LRFN5: variants seen among roughly 807,000 people sequenced by gnomAD.
The protein encoded by LRFN5 is leucine-rich repeat and fibronectin type-III domain-containing protein 5.
A neutral mutation model predicts 45.6 loss-of-function variants in LRFN5; 24 were observed. That is an observed-to-expected ratio of 0.53 (90% CI 0.38 to 0.74). The LOEUF (loss-of-function observed/expected upper bound fraction) is 0.74. LRFN5 is among the 30% of genes least tolerant of loss of function. The probability of loss-of-function intolerance (pLI) is 0.00; values close to 1 mark genes in which losing one functional copy is unlikely to be tolerated. For synonymous variants in LRFN5, 340 were observed against 313.8 expected (o/e 1.08, Z -0.88); for missense variants, 776 against 861.5 (o/e 0.90, Z 1.24).
At chr14:41,620,996 A>G (rs1888115240) in intron 1 of LRFN5, among the ~76,000 whole-genome samples, 1 of 152,068 alleles carries the variant, frequency 6.6e-6, no homozygotes. Context: ...TGATTTTGGA[A>G]TGTGGCCATA....
intron 2 of LRFN5, among the ~76,000 whole-genome samples, chr14:41,804,272 G>A (rs1229743349): frequency 1.3e-5 from 2 of 152,026 alleles, no homozygotes; most frequent in Non-Finnish European, 2.9e-5. Context: ...ATGATTGGTT[G>A]GGGATGCAAT....
intron 2 of LRFN5, among the ~76,000 whole-genome samples, chr14:41,786,328 CA>C (rs758673990): frequency 6.6e-6 from 1 of 151,842 alleles, no homozygotes; most frequent in African/African-American, 2.4e-5. Flanking sequence ...ATGAATTTCT[CA>C]GTTTTTGTTT....
At chr14:41,654,881 G>A (rs1880304043) in intron 1 of LRFN5, among the ~76,000 whole-genome samples, 1 of 152,010 alleles carries the variant, frequency 6.6e-6, no homozygotes, top group African/African-American at 2.4e-5. Flanking sequence ...GATACCACAT[G>A]AACAGTAGTA....
Position 41,872,453 on chromosome 14 carries a change from C to T in LRFN5, c.-20-14153C>T, listed in dbSNP as rs370566418. Among the ~76,000 whole-genome samples the T allele has an allele frequency of 5.3e-5, 8 of 152,200 alleles. No homozygotes were observed. The East Asian group carries it at 1.4e-3, about 26-fold the overall frequency. ...CTGTAACCAATTGAAATTAGTTTGG[C>T]TATAAATAACAGACTTTTCAAAATA... is the stretch of plus-strand genomic sequence containing the variant. On this transcript the variant is annotated intron_variant, in intron 2 of 5. Coordinates refer to ENST00000298119, the MANE Select transcript of LRFN5 (RefSeq NM_152447.5).
intron 2 of LRFN5, among the ~76,000 whole-genome samples, chr14:41,880,509 T>C (rs1890343409): frequency 6.6e-6 from 1 of 152,148 alleles, no homozygotes. Flanking sequence ...ATTAATTTCA[T>C]TTAATTAATT....
chr14:41,699,562 A>T (rs1358558316), intron 1 of LRFN5: 3 of 152,136 alleles, frequency 2.0e-5, no homozygotes, highest in African/African-American at 7.2e-5. Flanking sequence ...AATAGAACTT[A>T]CGAGCTTAGG....
intron 2 of LRFN5, among the ~76,000 whole-genome samples, chr14:41,779,453 T>C (rs1886407337): frequency 6.6e-6 from 1 of 151,918 alleles, no homozygotes; most frequent in African/African-American, 2.4e-5. Context: ...TAATGTCTTT[T>C]ATCTGTTTTT....
At chr14:41,881,466 CTTTATA>C (rs1426317585) in intron 2 of LRFN5, among the ~76,000 whole-genome samples, 1 of 151,538 alleles carries the variant, frequency 6.6e-6, no homozygotes, top group Non-Finnish European at 1.5e-5. Context: ...AAATCTTTAT[CTTTATA>C]TTTAGTTTTC....
intron 2 of LRFN5, among the ~76,000 whole-genome samples, chr14:41,798,697 C>A (rs535516861): frequency 2.6e-5 from 4 of 151,626 alleles, no homozygotes; most frequent in Non-Finnish European, 4.4e-5. Flanking sequence ...CTTTTTTTTC[C>A]CTGAAACATT....
chr14:41,831,041 A>C (rs1412774483), intron 2 of LRFN5, among the ~76,000 whole-genome samples: 1 of 151,530 alleles, frequency 6.6e-6, no homozygotes, highest in South Asian at 2.1e-4. Context: ...GTCTATCACC[A>C]CTCTTGTCAC....
chr14:41,709,615 T>C (rs1386840099), intron 1 of LRFN5, among the ~76,000 whole-genome samples: 1 of 152,118 alleles, frequency 6.6e-6, no homozygotes, highest in Non-Finnish European at 1.5e-5. Context: ...AATTTCTCTT[T>C]GTATGTGAAG....
At chr14:41,656,454 G>A (rs1318373685) in intron 1 of LRFN5, among the ~76,000 whole-genome samples, 1 of 151,844 alleles carries the variant, frequency 6.6e-6, no homozygotes, top group African/African-American at 2.4e-5. Context: ...ATATTTCACA[G>A]TTTGAGATTT....
chr14:41,651,201 A>C (rs2138619831), intron 1 of LRFN5, among the ~76,000 whole-genome samples: 1 of 152,218 alleles, frequency 6.6e-6, no homozygotes, highest in Non-Finnish European at 1.5e-5. Context: ...ACTCTCATGG[A>C]TTTTTAACAA....
intron 2 of LRFN5, among the ~76,000 whole-genome samples, chr14:41,835,339 T>G (rs1482742590): frequency 2.6e-5 from 4 of 152,212 alleles, no homozygotes; most frequent in Non-Finnish European, 4.4e-5. Flanking sequence ...AAACATGGAA[T>G]GCTCTCTCTT....
intron 1 of LRFN5, among the ~76,000 whole-genome samples, chr14:41,748,289 C>G (rs945159781): frequency 1.3e-5 from 2 of 151,878 alleles, no homozygotes; most frequent in African/African-American, 4.8e-5. Context: ...CATTAGCAGA[C>G]AAATGGCTAA....
intron 4 of LRFN5, among the ~76,000 whole-genome samples, chr14:41,897,648 A>T (rs1451646544): frequency 6.6e-6 from 1 of 152,114 alleles, no homozygotes; most frequent in African/African-American, 2.4e-5. Flanking sequence ...AACTGTAAAA[A>T]TTATAACTGT....
In LRFN5 at chr14:41,844,294, A is replaced by G. The variant is rs975485081; in HGVS notation, c.-20-42312A>G. On this transcript the variant is annotated intron_variant, in intron 2 of 5. Coordinates refer to ENST00000298119, the MANE Select transcript of LRFN5 (RefSeq NM_152447.5). Reference sequence around the variant, plus strand: ...CTACTAAAAATACAAAAAATTAGCCAGGCGTGGTGGTGGGCACCTGTAGTC... The same window carrying G: ...CTACTAAAAATACAAAAAATTAGCCGGGCGTGGTGGTGGGCACCTGTAGTC... 3.4e-3 allele frequency among the ~76,000 whole-genome samples: 518 copies of G among 151,932 alleles called. 4 individuals are homozygous for G. The highest frequency in any genetic ancestry group is 9.9e-3 in the African/African-American group (410 of 41,424).
At chr14:41,618,133 C>T (rs1264381050) in intron 1 of LRFN5, among the ~76,000 whole-genome samples, 4 of 152,140 alleles carry the variant, frequency 2.6e-5, no homozygotes, top group African/African-American at 9.7e-5. Context: ...AGATAATGGG[C>T]AGTCAAAATC....
In LRFN5 at chr14:41,887,959, G is replaced by A. The variant is rs200029150; in HGVS notation, c.1334G>A (p.Arg445His). The change falls in exon 3 of 6, where the codon CGT becomes CAT. Residue 445 changes from arginine to histidine, a missense_variant. This residue lies in a region of LRFN5 where 465 missense variants were observed against 456.4 expected (regional missense o/e 1.02). Transcript: ENST00000298119. This position sits in a 1 kb window ranked among gnomAD's most constrained non-coding sequence, Gnocchi z 4.8. Reference sequence around the variant, plus strand: ...TTTCAAAGAAATATCCCTGGAATACGTATGTTTCAAATCCAGTACAATGGT... The same window carrying A: ...TTTCAAAGAAATATCCCTGGAATACATATGTTTCAAATCCAGTACAATGGT... The part of the protein sequence containing the change: ...FNFQRNIPGI[R>H]MFQIQYNGTY... The A allele has an allele frequency of 9.5e-5, 154 of 1,613,178 alleles. No homozygotes were observed. The highest frequency in any genetic ancestry group is 1.7e-4 in the Admixed American group (10 of 59,938).
Sources: allele counts gnomAD v4.1 joint callset (sites outside exome capture counted in the v4.1 genomes callset), GRCh38; gene constraint gnomAD v4.1.1; regional missense constraint gnomAD v4.1.1; non-coding constraint Gnocchi (gnomAD v3.1); transcripts MANE v1.5; gene names NCBI Gene and HGNC (gene_info 2026-07-23, HGNC 2026-07-21).